The following HOXC4 variants were observed in gnomAD, a reference collection of about 807,000 sequenced individuals.
HOXC4 encodes the protein homeobox protein Hox-C4.
A neutral mutation model predicts 25.5 loss-of-function variants in HOXC4; 15 were observed. The observed-to-expected ratio is 0.59, with a 90% CI of 0.39 to 0.91. HOXC4 has a LOEUF of 0.91. HOXC4 is among the 40% of genes least tolerant of loss of function. The pLI is 0.00. For missense variants in HOXC4, 342 were observed against 352.4 expected (o/e 0.97, Z 0.24); for synonymous variants, 165 against 148.0 (o/e 1.11, Z -0.83).
intron 1 of HOXC4, among the ~76,000 whole-genome samples, chr12:54,041,099 G>A (rs1941264406): frequency 3.3e-5 from 5 of 152,200 alleles, no homozygotes; most frequent in Admixed American, 3.3e-4. Context: ...CTATGTCCTG[G>A]CCAATAGCCA....
chr12:54,034,337 A>T (rs376926310), intron 1 of HOXC4: 159 of 1,614,080 alleles, frequency 9.9e-5, no homozygotes, highest in Non-Finnish European at 1.2e-4. Flanking sequence ...GGAACTCGAG[A>T]AAGAATTCCA....
chr12:54,025,747 C>A (rs1240187672), intron 1 of HOXC4, among the ~76,000 whole-genome samples: 1 of 152,286 alleles, frequency 6.6e-6, no homozygotes, highest in East Asian at 1.9e-4. Context: ...CTGAGGCTCA[C>A]ATTCTGCCTC....
At chr12:54,041,131 G>A (rs1404736072) in intron 1 of HOXC4, among the ~76,000 whole-genome samples, 1 of 152,254 alleles carries the variant, frequency 6.6e-6, no homozygotes, top group Non-Finnish European at 1.5e-5. Context: ...AGCCACTGAA[G>A]GTGTGGATTT....
At chr12:54,033,014 C>G in intron 1 of HOXC4, 1 of 805,982 alleles carries the variant, frequency 1.2e-6, no homozygotes, top group African/African-American at 1.7e-5. Context: ...AGAGATATCT[C>G]CACCTATAAA....
At chr12:54,028,317 A>T in intron 1 of HOXC4, 1 of 531,598 alleles carries the variant, frequency 1.9e-6, no homozygotes, top group Non-Finnish European at 3.3e-6. Context: ...ACTTAGTCTC[A>T]ACTAGGGAAT....
chr12:54,019,911 A>G (rs1012895066), intron 1 of HOXC4: 2 of 151,678 alleles, frequency 1.3e-5, no homozygotes, highest in African/African-American at 4.9e-5. Flanking sequence ...CCATCCTTAC[A>G]AGACAGAGGC....
intron 1 of HOXC4, chr12:54,034,133 G>T: frequency 2.5e-6 from 2 of 804,394 alleles, no homozygotes; most frequent in South Asian, 1.4e-5. Context: ...GGCTGGGCTG[G>T]CCCGCCTGCG....
At chr12:54,033,029 C>T in intron 1 of HOXC4, 1 of 966,942 alleles carries the variant, frequency 1.0e-6, no homozygotes, top group East Asian at 2.5e-5. Flanking sequence ...TATAAATTGT[C>T]CACTTTGGAG....
intron 1 of HOXC4, chr12:54,033,637 G>A (rs983781725): frequency 4.4e-6 from 6 of 1,353,530 alleles, no homozygotes; most frequent in Non-Finnish European, 4.9e-6. Flanking sequence ...GGCCATGCGG[G>A]GCAAATAAAG....
At chr12:54,054,569 G>A (rs1350890745) in intron 1 of HOXC4, among the ~76,000 whole-genome samples, 1 of 152,012 alleles carries the variant, frequency 6.6e-6, no homozygotes, top group Admixed American at 6.5e-5. Context: ...GCTACTCTGG[G>A]CAGTCCGAGC....
At position 54,054,190 on chromosome 12, in the gene HOXC4, C is replaced by A. The variant is rs976080376; in HGVS notation, c.268C>A (p.His90Asn). The A allele has an allele frequency of 6.2e-7, 1 of 1,613,464 alleles. No individual in the cohort carries two copies. The highest frequency in any genetic ancestry group is 8.5e-7 in the Non-Finnish European group (1 of 1,179,690). The change falls in exon 1 of 2, where the codon CAC (histidine) becomes AAC (asparagine). Residue 90 changes from histidine to asparagine, a missense_variant. Physicochemically the swap from His to Asn is moderately conservative, Grantham distance 68. Coordinates refer to ENST00000430889, the MANE Select transcript of HOXC4 (RefSeq NM_153633.3). ...GHGPAQAGHH[H>N]PEKSQSLCEP... is the part of the protein sequence containing the mutation. ...CGGGCCGGCCCAGGCGGGCCACCAC[C>A]ACCCCGAGAAATCACAGTCGCTCTG...
At chr12:54,021,124 G>C (rs978491743) in intron 1 of HOXC4, 23 of 152,606 alleles carry the variant, frequency 1.5e-4, no homozygotes, top group African/African-American at 5.5e-4. Context: ...GGTGCTTGGA[G>C]AAGCTTGTGG....
intron 1 of HOXC4, among the ~76,000 whole-genome samples, chr12:54,026,477 T>C (rs1051544002): frequency 6.6e-6 from 1 of 152,238 alleles, no homozygotes; most frequent in East Asian, 1.9e-4. Flanking sequence ...TTTTTCTTAA[T>C]TTAAAAATCC....
At chr12:54,039,102 CTT>C (rs1362487698) in intron 1 of HOXC4, among the ~76,000 whole-genome samples, 1 of 152,104 alleles carries the variant, frequency 6.6e-6, no homozygotes, top group Non-Finnish European at 1.5e-5. Context: ...ATAGCCAGGG[CTT>C]TGGAAGCAGG....
chr12:54,041,753 C>T (rs114794058), intron 1 of HOXC4, among the ~76,000 whole-genome samples: 2,741 of 152,272 alleles, frequency 0.018, 92 homozygotes, highest in African/African-American at 0.061. Flanking sequence ...CTCGGCTCAT[C>T]GCAAACTCTG....
intron 1 of HOXC4, among the ~76,000 whole-genome samples, chr12:54,045,443 C>A (rs1268192207): frequency 1.3e-5 from 2 of 152,010 alleles, no homozygotes; most frequent in Non-Finnish European, 2.9e-5. Context: ...AAATTTTTTT[C>A]TTTGTTGGAA....
intron 1 of HOXC4, chr12:54,029,611 G>T: frequency 6.3e-7 from 1 of 1,583,352 alleles, no homozygotes; most frequent in Non-Finnish European, 8.6e-7. Context: ...TGCAGAGGAC[G>T]CTTTGCTGAT....
intron 1 of HOXC4, among the ~76,000 whole-genome samples, chr12:54,018,334 C>T (rs1258339157): frequency 6.6e-6 from 1 of 152,356 alleles, no homozygotes; most frequent in African/African-American, 2.4e-5. Flanking sequence ...TGGGCTAGGA[C>T]CTGCCTCGCC....
intron 1 of HOXC4, chr12:54,022,257 A>G (rs994983230): frequency 6.6e-6 from 1 of 152,274 alleles, no homozygotes; most frequent in Non-Finnish European, 1.5e-5. Flanking sequence ...TGGTGGATTC[A>G]TAAAGCTAGA....
Sources: gnomAD v4.1 joint callset for allele counts (sites outside exome capture counted in the v4.1 genomes callset) on GRCh38, gnomAD v4.1.1 for gene constraint, MANE v1.5 for transcripts, NCBI Gene and HGNC (gene_info 2026-07-23, HGNC 2026-07-21) for gene names.